The following OXNAD1 variants were observed in gnomAD, a reference collection of about 807,000 sequenced individuals.
OXNAD1 encodes oxidoreductase NAD binding domain containing 1, also known as oxidoreductase NAD-binding domain-containing protein 1.
A neutral mutation model predicts 32.9 loss-of-function variants in OXNAD1; 34 were observed. That is an observed-to-expected ratio of 1.03 (90% CI 0.79 to 1.38). The LOEUF is 1.38. OXNAD1 is among the 40% of genes most tolerant of loss of function. The pLI is 0.00. For synonymous variants in OXNAD1, 134 were observed against 135.2 expected (o/e 0.99, Z 0.06); for missense variants, 407 against 379.4 (o/e 1.07, Z -0.60).
At chr3:16,308,750 G>T (rs535348337), downstream of OXNAD1, among the ~76,000 whole-genome samples, 96 of 152,218 alleles carry the variant, frequency 6.3e-4, no homozygotes, top group African/African-American at 2.2e-3. This position sits in a 1 kb window ranked among gnomAD's most constrained non-coding sequence, Gnocchi z 4.4. Flanking sequence ...TATAGTTGTT[G>T]AGCAGCCATC....
downstream of OXNAD1, among the ~76,000 whole-genome samples, chr3:16,337,520 G>C (rs1274995567): frequency 1.3e-5 from 2 of 152,016 alleles, no homozygotes; most frequent in East Asian, 3.9e-4. This position sits in a 1 kb window ranked among gnomAD's most constrained non-coding sequence, Gnocchi z 5.0. Context: ...GAGGTGGGTG[G>C]ATCATGAGGT....
chr3:16,292,290 G>A (rs1559753579), intron 5 of OXNAD1, among the ~76,000 whole-genome samples: 2 of 150,702 alleles, frequency 1.3e-5, no homozygotes, highest in South Asian at 2.1e-4. Context: ...TCCTGGGTTC[G>A]AGTGATTCTC....
In OXNAD1 at chr3:16,317,211, C is replaced by G. The variant is rs371101800; in HGVS notation, c.*30+13619C>G. 15 of 1,612,980 alleles carry G rather than the reference C, an allele frequency of 9.3e-6. No individual in the cohort carries two copies. In the African/African-American group the frequency reaches 1.5e-4, roughly 16 times the overall value. On this transcript the variant is annotated intron_variant, in intron 9 of 9. Transcript: ENST00000435829. The surrounding 1 kb of genome is among the most constrained non-coding windows in gnomAD (Gnocchi z 4.3). The stretch of plus-strand genomic sequence containing the variant: ...CTCATCTGCCTGTTGTGCATTTCTT[C>G]TCTGGAGAATCGCCACTGAAACTAG...
Position 16,270,993 on chromosome 3 carries a change from G to T in OXNAD1, c.41G>T (p.Cys14Phe), listed in dbSNP as rs763269360. Residue 14 changes from cysteine (C) to phenylalanine (F), a missense_variant, in exon 3 of 9, where the codon TGC (cysteine) becomes TTC (phenylalanine). Cys to Phe is a radical substitution (Grantham distance 205). Transcript: ENST00000285083. Reference sequence around the variant, plus strand: ...GTTATGATTCCTGGGTTGTTGCGGTGCTCTGTTGGAGCCATCCGTATTGAG... The same window carrying T: ...GTTATGATTCCTGGGTTGTTGCGGTTCTCTGTTGGAGCCATCCGTATTGAG... ...AAVMIPGLLR[C>F]SVGAIRIEAA... The T allele has an allele frequency of 1.9e-6, 3 of 1,614,036 alleles. No individual in the cohort carries two copies. Among genetic ancestry groups the T allele is most frequent in the Non-Finnish European group, 2.5e-6 (3 of 1,180,034 alleles).
rs141849489 is a variant in OXNAD1, at chr3:16,278,545, C to G, written c.183+6823C>G. 5.7e-3 allele frequency among the ~76,000 whole-genome samples: 864 copies of G among 152,326 alleles called. 7 individuals are homozygous for G. Among genetic ancestry groups the G allele is most frequent in the African/African-American group, 0.02 (816 of 41,558 alleles). ...GCCTCTCGTTCCTGGTGTAATAGCA[C>G]TCACTTTCACTCTCAAAATTATTCT... On this transcript the variant is annotated intron_variant, in intron 4 of 8. Transcript: ENST00000285083.
chr3:16,312,209 T>C lies in OXNAD1; in HGVS notation c.*30+8617T>C, dbSNP rs926114287. Among the ~76,000 whole-genome samples, 5 of 152,214 alleles carry C rather than the reference T, an allele frequency of 3.3e-5. No homozygotes were observed. The highest frequency in any genetic ancestry group is 2.1e-4 in the South Asian group (1 of 4,832). On this transcript the variant is annotated intron_variant, in intron 9 of 9. Transcript: ENST00000435829. This position sits in a 1 kb window ranked among gnomAD's most constrained non-coding sequence, Gnocchi z 4.7. The stretch of plus-strand genomic sequence containing the variant: ...CCTCAGAAACCTAGCCAAAGGCTCA[T>C]TGGGTCTTGTCCTTAGATCTCATGT...
At chr3:16,269,845 C>G (rs2064802570) in intron 2 of OXNAD1, among the ~76,000 whole-genome samples, 1 of 152,200 alleles carries the variant, frequency 6.6e-6, no homozygotes, top group Non-Finnish European at 1.5e-5. Flanking sequence ...CATGCATTTT[C>G]ATTTATTCTC....
downstream of OXNAD1, among the ~76,000 whole-genome samples, chr3:16,310,255 T>A (rs2067873517): frequency 6.6e-6 from 1 of 152,222 alleles, no homozygotes; most frequent in African/African-American, 2.4e-5. Context: ...ACCTAGAAAC[T>A]GGTAAGTTTG....
intron 1 of OXNAD1, among the ~76,000 whole-genome samples, chr3:16,266,260 C>T (rs978214351): frequency 1.3e-5 from 2 of 152,146 alleles, no homozygotes; most frequent in African/African-American, 4.8e-5. Context: ...TTACTTGGTT[C>T]AGCAATGATA....
At position 16,284,003 on chromosome 3, in the gene OXNAD1, G is replaced by A. The variant is rs1053507863; in HGVS notation, c.184-2339G>A. Reference sequence around the variant, plus strand: ...ACCTGTGGTTAAGGTGAGCATCAAGGAAAAAGGGAAGATTCTGTGGGCTAT... The same window carrying A: ...ACCTGTGGTTAAGGTGAGCATCAAGAAAAAAGGGAAGATTCTGTGGGCTAT... On this transcript the variant is annotated intron_variant, in intron 4 of 8. Transcript: ENST00000285083. The surrounding 1 kb of genome is among the most constrained non-coding windows in gnomAD (Gnocchi z 4.1). 4.1e-4 allele frequency among the ~76,000 whole-genome samples: 62 copies of A among 152,100 alleles called. 1 individual carries two copies. The highest frequency in any genetic ancestry group is 4.0e-3 in the Admixed American group (61 of 15,280).
At position 16,316,773 on chromosome 3, in the gene OXNAD1, G is replaced by T; in HGVS notation, c.*30+13181G>T. 1 of 1,604,278 alleles carries T rather than the reference G, an allele frequency of 6.2e-7. No homozygotes were observed. The highest frequency in any genetic ancestry group is 2.2e-5 in the East Asian group (1 of 44,854). ...AAACCAGCCCCCAAACCAGCTGTTG[G>T]TAAGATGCCTTGGGTTTGGCAACTC... On this transcript the variant is annotated intron_variant, in intron 9 of 9. Transcript: ENST00000435829. This position sits in a 1 kb window ranked among gnomAD's most constrained non-coding sequence, Gnocchi z 4.5.
In OXNAD1 at chr3:16,324,612, G is replaced by GCCC. The variant is rs1270315325; in HGVS notation, c.*31-12500_*31-12499insCCC. 1.3e-3 allele frequency among the ~76,000 whole-genome samples: 92 copies of GCCC among 71,044 alleles called. 1 individual carries two copies. The highest frequency in any genetic ancestry group is 8.8e-3 in the Middle Eastern group (1 of 114). 46.6% of individuals were successfully genotyped at this position (71,044 alleles called of 152,430 possible). A position where few individuals can be genotyped will look rare whatever the true frequency, so the allele number is the denominator to read the frequency against. On this transcript the variant is annotated intron_variant, in intron 9 of 9. Coordinates refer to the OXNAD1 transcript ENST00000435829. ...TTGTAATAAATAACAGAATGTCCCT[G>GCCC]ACCCCCCCCCTTTTAAGGTTGCATA...
At chr3:16,333,990 C>T (rs955677454) in intron 9 of OXNAD1, among the ~76,000 whole-genome samples, 1 of 152,116 alleles carries the variant, frequency 6.6e-6, no homozygotes, top group African/African-American at 2.4e-5. Context: ...ACGGTGAAAC[C>T]CCGTCTCTAC....
In OXNAD1 at chr3:16,270,234, A is replaced by T. The variant is rs369457790; in HGVS notation, c.-8-711A>T. 5.7e-4 allele frequency among the ~76,000 whole-genome samples: 87 copies of T among 152,238 alleles called. 2 individuals carry two copies. In the South Asian group the frequency reaches 0.017, roughly 30 times the overall value. On this transcript the variant is annotated intron_variant, in intron 2 of 8. Coordinates refer to ENST00000285083, the MANE Select transcript of OXNAD1 (RefSeq NM_138381.5). The stretch of plus-strand genomic sequence containing the variant: ...ACTTGATTTCTGACATCATGGATTC[A>T]TTTTCTCTGTTTTTATACTTTATAT...
At chr3:16,273,402 T>TTG (rs375990069) in intron 4 of OXNAD1, among the ~76,000 whole-genome samples, 12 of 148,276 alleles carry the variant, frequency 8.1e-5, no homozygotes, top group African/African-American at 3.0e-4. Context: ...TTTTTTTTTT[T>TTG]GAGACAGAGT....
rs537476196 is a variant in OXNAD1 at position 16,298,632 on chromosome 3, C to T, written c.433-2994C>T. On this transcript the variant is annotated intron_variant, in intron 6 of 8. Coordinates refer to ENST00000285083, the MANE Select transcript of OXNAD1 (RefSeq NM_138381.5). This position sits in a 1 kb window ranked among gnomAD's most constrained non-coding sequence, Gnocchi z 5.1. ...GCCATTCGAGTGGACAATGGAGGCACGTGAGTGTCTGGGTGGCAGCAGGCT... is the reference window on the plus strand; with the variant it reads ...GCCATTCGAGTGGACAATGGAGGCATGTGAGTGTCTGGGTGGCAGCAGGCT... Among the ~76,000 whole-genome samples, 173 of 152,170 alleles carry T rather than the reference C, an allele frequency of 1.1e-3. 1 individual carries two copies. The highest frequency in any genetic ancestry group is 1.9e-3 in the Non-Finnish European group (129 of 67,996).
chr3:16,338,242 C>T (rs954445688), downstream of OXNAD1, among the ~76,000 whole-genome samples: 4 of 152,152 alleles, frequency 2.6e-5, no homozygotes, highest in African/African-American at 9.7e-5. This position sits in a 1 kb window ranked among gnomAD's most constrained non-coding sequence, Gnocchi z 5.3. Flanking sequence ...GGGTGTCTGC[C>T]CACACACACC....
In OXNAD1 at chr3:16,303,080, C is replaced by T. The variant is rs2067302862; in HGVS notation, c.785-328C>T. ...TGGTCATTTAAACAACTCATAATTT[C>T]CTCTGAAAGGATTTTTATAAAACAG... On this transcript the variant is annotated intron_variant, in intron 8 of 8. Transcript: ENST00000285083. This position sits in a 1 kb window ranked among gnomAD's most constrained non-coding sequence, Gnocchi z 4.8. 6.6e-6 allele frequency among the ~76,000 whole-genome samples: 1 copy of T among 152,204 alleles called. No homozygotes were observed. Among genetic ancestry groups the T allele is most frequent in the South Asian group, 2.1e-4 (1 of 4,830 alleles).
rs138429090 is a variant in OXNAD1, at chr3:16,316,974, C to T, written c.*30+13382C>T. The T allele has an allele frequency of 3.3e-5, 54 of 1,614,052 alleles. No homozygotes were observed. In the African/African-American group the frequency reaches 5.2e-4, roughly 16 times the overall value. On this transcript the variant is annotated intron_variant, in intron 9 of 9. Transcript: ENST00000435829. This position sits in a 1 kb window ranked among gnomAD's most constrained non-coding sequence, Gnocchi z 4.5. The stretch of plus-strand genomic sequence containing the variant: ...CCATTCTGCACAGCCTCACCCTCCA[C>T]ACCCACCCCACACAGCAGGCCACCA...
Sources: allele counts gnomAD v4.1 joint callset (sites outside exome capture counted in the v4.1 genomes callset), GRCh38; gene constraint gnomAD v4.1.1; non-coding constraint Gnocchi (gnomAD v3.1); transcripts MANE v1.5; gene names NCBI Gene and HGNC (gene_info 2026-07-23, HGNC 2026-07-21).